Variants in SLC20A2 observed in about 807,000 individuals in gnomAD.
SLC20A2 encodes the protein sodium-dependent phosphate transporter 2.
SLC20A2 carries 30 observed loss-of-function variants against 61.0 expected under a neutral mutation model. The ratio of observed to expected loss-of-function variants is 0.49; its 90% CI spans 0.37 to 0.67. SLC20A2 has a LOEUF of 0.67. Ranked by LOEUF, SLC20A2 falls within the 30% of genes least tolerant of loss-of-function variation. SLC20A2 has a pLI of 0.00. For synonymous variants in SLC20A2, 351 were observed against 353.3 expected (o/e 0.99, Z 0.07); for missense variants, 626 against 866.4 (o/e 0.72, Z 3.48).
intron 1 of SLC20A2, among the ~76,000 whole-genome samples, chr8:42,518,134 G>T (rs1324615414): frequency 6.6e-6 from 1 of 152,098 alleles, no homozygotes; most frequent in East Asian, 1.9e-4. Context: ...TAGAGATGGG[G>T]TTTCGCCTTG....
intron 1 of SLC20A2, among the ~76,000 whole-genome samples, chr8:42,483,486 A>G (rs1202535831): frequency 6.6e-6 from 1 of 152,240 alleles, no homozygotes; most frequent in East Asian, 1.9e-4. Flanking sequence ...CCAGCAGTAG[A>G]GACTTTTAAA....
chr8:42,480,405 G>C (rs1490970624), intron 1 of SLC20A2: 1 of 152,046 alleles, frequency 6.6e-6, no homozygotes, highest in Non-Finnish European at 1.5e-5. Flanking sequence ...AAAAAAGTTA[G>C]GAACATATCA....
intron 10 of SLC20A2, among the ~76,000 whole-genome samples, chr8:42,419,977 G>A (rs1802933220): frequency 1.3e-5 from 2 of 152,164 alleles, no homozygotes; most frequent in African/African-American, 4.8e-5. Flanking sequence ...ACAAGGTCAG[G>A]AGATCAAGAC....
intron 1 of SLC20A2, among the ~76,000 whole-genome samples, chr8:42,528,406 G>A (rs948125643): frequency 6.6e-6 from 1 of 151,556 alleles, no homozygotes; most frequent in Non-Finnish European, 1.5e-5. Context: ...AACTTGCATT[G>A]AGCAGAGATA....
intron 5 of SLC20A2, among the ~76,000 whole-genome samples, chr8:42,453,738 C>A (rs925630010): frequency 2.6e-5 from 4 of 152,140 alleles, no homozygotes; most frequent in African/African-American, 9.7e-5. Flanking sequence ...ATGGTGGGAC[C>A]TTCAGAGCCA....
At chr8:42,436,964 T>G in intron 8 of SLC20A2, 25 bp downstream of exon 8, 1 of 1,562,392 alleles carries the variant, frequency 6.4e-7, no homozygotes, top group South Asian at 1.2e-5. Context: ...GGACCCTTGT[T>G]GAATGAATGA....
chr8:42,457,364 TCTC>T (rs1806291933), intron 5 of SLC20A2, among the ~76,000 whole-genome samples: 1 of 152,158 alleles, frequency 6.6e-6, no homozygotes, highest in Admixed American at 6.5e-5. Flanking sequence ...TTCCTCCCAC[TCTC>T]CTCATCAATC....
rs869049452 is a variant in SLC20A2, at chr8:42,495,752, C to CTT, written c.-265+5277_-265+5278dup. Among the ~76,000 whole-genome samples the CTT allele has an allele frequency of 8.0e-3, 1,166 of 145,244 alleles. 8 individuals carry two copies. The highest frequency in any genetic ancestry group is 0.028 in the African/African-American group (1,109 of 39,806). On this transcript the variant is annotated intron_variant, in intron 1 of 10. Coordinates refer to ENST00000520262, the MANE Select transcript of SLC20A2 (RefSeq NM_001257180.2). The stretch of plus-strand genomic sequence containing the variant: ...CCAAGGATTCTACAGATCCCTCCCC[C>CTT]TTTTTTTTTTTTTTCCAGACAGAGT...
intron 8 of SLC20A2, among the ~76,000 whole-genome samples, chr8:42,434,717 C>A (rs747548418): frequency 3.9e-5 from 6 of 152,186 alleles, no homozygotes; most frequent in Non-Finnish European, 7.3e-5. Flanking sequence ...ACTCAGATGA[C>A]TTCTAGAATG....
intron 2 of SLC20A2, among the ~76,000 whole-genome samples, chr8:42,467,613 G>C (rs966896517): frequency 5.9e-5 from 9 of 152,228 alleles, no homozygotes; most frequent in African/African-American, 2.2e-4. Context: ...GCAGGACCCA[G>C]TCCATGAAGC....
intron 1 of SLC20A2, among the ~76,000 whole-genome samples, chr8:42,506,837 G>A (rs983383507): frequency 4.6e-5 from 7 of 152,176 alleles, no homozygotes; most frequent in Non-Finnish European, 1.0e-4. Context: ...GTCCCTTCCT[G>A]CACTGACTCT....
At chr8:42,474,977 G>A (rs977337628) in intron 1 of SLC20A2, among the ~76,000 whole-genome samples, 1 of 152,108 alleles carries the variant, frequency 6.6e-6, no homozygotes, top group African/African-American at 2.4e-5. Flanking sequence ...GTGGGAAGGA[G>A]GGGCCAGGAG....
intron 8 of SLC20A2, among the ~76,000 whole-genome samples, chr8:42,434,315 G>C (rs148843882): frequency 6.6e-6 from 1 of 152,122 alleles, no homozygotes; most frequent in East Asian, 1.9e-4. Flanking sequence ...TTGAACGCCC[G>C]ACCTCAGGTG....
chr8:42,428,624 G>A (rs1803600043), intron 10 of SLC20A2, 134 bp downstream of exon 10: 1 of 660,824 alleles, frequency 1.5e-6, no homozygotes, highest in Non-Finnish European at 2.5e-6. Flanking sequence ...ACAAGGTCCC[G>A]GAGACCTGGA....
chr8:42,431,869 T>C (rs1813071236), intron 8 of SLC20A2, among the ~76,000 whole-genome samples: 1 of 152,254 alleles, frequency 6.6e-6, no homozygotes, highest in African/African-American at 2.4e-5. Context: ...AAGCCTACTG[T>C]TGAGACCTAC....
chr8:42,416,835 T>C lies in SLC20A2; in HGVS notation c.*968A>G, dbSNP rs1050826131. 1.3e-5 allele frequency: 2 copies of C among 152,742 alleles called. No homozygotes were observed. Among genetic ancestry groups the C allele is most frequent in the Non-Finnish European group, 2.9e-5 (2 of 68,108 alleles). The allele number at this position is 152,742 out of a possible 1,614,324, so 9.5% of individuals were successfully genotyped here. A position where few individuals can be genotyped will look rare whatever the true frequency, so the allele number is the denominator to read the frequency against. On this transcript the variant is annotated 3_prime_UTR_variant, in exon 11 of 11. Transcript: ENST00000520262. ...CTTCAGGCTGCAGGGAGAATTGGGA[T>C]AGAAACTGACTCTGGACTTGACATG... is the stretch of plus-strand genomic sequence containing the variant.
chr8:42,477,148 C>T (rs150794051), intron 1 of SLC20A2, among the ~76,000 whole-genome samples: 12 of 152,260 alleles, frequency 7.9e-5, no homozygotes, highest in South Asian at 4.1e-4. Context: ...TTTTGAATTG[C>T]GGCATGTATA....
intron 1 of SLC20A2, among the ~76,000 whole-genome samples, chr8:42,523,410 A>C (rs181307803): frequency 6.6e-6 from 1 of 152,376 alleles, no homozygotes; most frequent in Admixed American, 6.5e-5. Flanking sequence ...AGAGGCTATT[A>C]TAGCATAAAT....
At chr8:42,444,327 G>A (rs1464074088) in intron 6 of SLC20A2, among the ~76,000 whole-genome samples, 1 of 152,138 alleles carries the variant, frequency 6.6e-6, no homozygotes, top group African/African-American at 2.4e-5. Flanking sequence ...TCTTGTGAGT[G>A]GGAAACAAAA....
Sources: gnomAD v4.1 joint callset for allele counts (sites outside exome capture counted in the v4.1 genomes callset) on GRCh38, gnomAD v4.1.1 for gene constraint, MANE v1.5 for transcripts, NCBI Gene and HGNC (gene_info 2026-07-23, HGNC 2026-07-21) for gene names.